Variants in DPP6 observed in about 807,000 individuals in gnomAD.
DPP6 encodes dipeptidyl peptidase like 6.
DPP6 carries 69 observed loss-of-function variants against 122.6 expected under a neutral mutation model. The ratio of observed to expected loss-of-function variants is 0.56; its 90% CI spans 0.46 to 0.69. DPP6 has a LOEUF of 0.69. DPP6 is among the 30% of genes least tolerant of loss of function. The pLI is 0.00. For missense variants in DPP6, 928 were observed against 1,116.9 expected, an observed-to-expected ratio of 0.83 and a Z score of 2.41; for synonymous variants, 418 against 433.1, an observed-to-expected ratio of 0.97 and a Z score of 0.43.
chr7:154,814,727 G>C (rs1020838783), intron 16 of DPP6, among the ~76,000 whole-genome samples: 2 of 152,198 alleles, frequency 1.3e-5, no homozygotes. Flanking sequence ...TCTCTTGGAG[G>C]CTGTGAGGGA....
the DPP6 span, among the ~76,000 whole-genome samples, chr7:153,788,362 T>C: frequency 1.3e-5 from 2 of 152,186 alleles, no homozygotes; most frequent in Admixed American, 6.5e-5. Context: ...CTGTAGACTT[T>C]CTGAACAGTT....
At chr7:154,887,997 G>A (rs1340132624) in intron 23 of DPP6, among the ~76,000 whole-genome samples, 6 of 152,086 alleles carry the variant, frequency 3.9e-5, no homozygotes, top group East Asian at 1.9e-4. Flanking sequence ...ATTTGATGGC[G>A]GAGTCAGTCC....
At chr7:153,789,626 G>A in the DPP6 span, among the ~76,000 whole-genome samples, 1 of 152,144 alleles carries the variant, frequency 6.6e-6, no homozygotes, top group African/African-American at 2.4e-5. Flanking sequence ...TAAGTGAGAA[G>A]CTTTTGTATT....
chr7:154,549,460 G>A (rs1829465839), intron 4 of DPP6, among the ~76,000 whole-genome samples: 1 of 152,162 alleles, frequency 6.6e-6, no homozygotes, highest in African/African-American at 2.4e-5. Context: ...ACAGTAATCA[G>A]TACGTCAACA....
At chr7:153,757,460 G>A in the DPP6 span, among the ~76,000 whole-genome samples, 1 of 152,202 alleles carries the variant, frequency 6.6e-6, no homozygotes, top group Non-Finnish European at 1.5e-5. Flanking sequence ...CTCATCCAGT[G>A]GCGGATGGTT....
At chr7:154,665,098 C>T (rs1435177779) in intron 6 of DPP6, among the ~76,000 whole-genome samples, 1 of 152,186 alleles carries the variant, frequency 6.6e-6, no homozygotes, top group Non-Finnish European at 1.5e-5. Flanking sequence ...TGACCTTGCA[C>T]TTTTGAGGAG....
the DPP6 span, among the ~76,000 whole-genome samples, chr7:153,753,834 C>A: frequency 1.7e-3 from 257 of 152,202 alleles, no homozygotes; most frequent in African/African-American, 6.0e-3. Flanking sequence ...CTCCTGTTTA[C>A]CCATTTGCGC....
chr7:154,637,802 T>C lies in DPP6; in HGVS notation c.628-19T>C. The C allele has an allele frequency of 6.4e-7, 1 of 1,561,758 alleles. No individual in the cohort carries two copies. Among genetic ancestry groups the C allele is most frequent in the South Asian group, 1.2e-5 (1 of 81,978 alleles). ...CCTTTGTCTCAATGCCTACCTTTTT[T>C]CCTTTTTGTCTGTTGCAGATATATC... On this transcript the variant is annotated intron_variant, in intron 5 of 25. Transcript: ENST00000377770.
intron 1 of DPP6, among the ~76,000 whole-genome samples, chr7:154,209,551 A>T (rs997493220): frequency 9.0e-5 from 9 of 99,462 alleles, no homozygotes; most frequent in Non-Finnish European, 2.4e-4. Context: ...GTTAAAAAAA[A>T]AAAACAAAAA....
At chr7:153,957,273 G>A (rs567083836) in intron 1 of DPP6, among the ~76,000 whole-genome samples, 2 of 152,290 alleles carry the variant, frequency 1.3e-5, no homozygotes, top group Non-Finnish European at 2.9e-5. Flanking sequence ...GTCCAAGGAC[G>A]CCACCTGCTC....
the DPP6 span, among the ~76,000 whole-genome samples, chr7:153,875,913 AAT>A: frequency 7.4e-6 from 1 of 134,732 alleles, no homozygotes; most frequent in Non-Finnish European, 1.6e-5. Flanking sequence ...AGCTGCCTAA[AAT>A]ATGAGGACCA....
At chr7:153,967,213 T>G (rs962671761) in intron 1 of DPP6, among the ~76,000 whole-genome samples, 3 of 152,158 alleles carry the variant, frequency 2.0e-5, no homozygotes, top group Non-Finnish European at 4.4e-5. Context: ...CATCCTGTGC[T>G]GGGGATGCTG....
chr7:154,850,588 G>C (rs1802292547), intron 16 of DPP6, among the ~76,000 whole-genome samples: 1 of 152,104 alleles, frequency 6.6e-6, no homozygotes, highest in African/African-American at 2.4e-5. Context: ...CAGGTCCTGG[G>C]CTTTTCTTTG....
At position 154,868,190 on chromosome 7, in the gene DPP6, A is replaced by G. The variant is rs55716573; in HGVS notation, c.1813+97A>G. On this transcript the variant is annotated intron_variant, in intron 18 of 25. Coordinates refer to ENST00000377770, the MANE Select transcript of DPP6 (RefSeq NM_130797.4). ...CAGCAGCAGGTGCCCTGCAAGGAAG[A>G]CTCCCCAAGCACGGGGGTGTATCTT... The G allele has an allele frequency of 0.035, 50,894 of 1,460,042 alleles. 3,375 individuals carry two copies. The highest frequency in any genetic ancestry group is 0.28 in the African/African-American group (19,777 of 70,520). The allele number at this position is 1,460,042 out of a possible 1,614,324, so 90.4% of individuals were successfully genotyped here. A position where few individuals can be genotyped will look rare whatever the true frequency, so the allele number is the denominator to read the frequency against.
intron 1 of DPP6, among the ~76,000 whole-genome samples, chr7:154,321,558 C>T (rs894513351): frequency 1.9e-4 from 29 of 151,714 alleles, no homozygotes; most frequent in African/African-American, 5.6e-4. Flanking sequence ...CTGAGGCGGG[C>T]GGATCACAAG....
chr7:154,828,198 C>G (rs1352975095), intron 16 of DPP6, among the ~76,000 whole-genome samples: 4 of 152,134 alleles, frequency 2.6e-5, no homozygotes. Context: ...GATACACAGC[C>G]CCAAGAGCAT....
intron 1 of DPP6, among the ~76,000 whole-genome samples, chr7:154,204,224 C>A (rs575302881): frequency 6.6e-6 from 1 of 152,292 alleles, no homozygotes; most frequent in South Asian, 2.1e-4. Flanking sequence ...CAGTCCCATC[C>A]GTGGACAAAA....
At chr7:153,915,577 C>A (rs752791946) in intron 1 of DPP6, among the ~76,000 whole-genome samples, 2 of 152,142 alleles carry the variant, frequency 1.3e-5, no homozygotes, top group African/African-American at 4.8e-5. Flanking sequence ...ATTAAAGAGA[C>A]GAGATAGCTC....
At chr7:154,609,858 G>C (rs1833798194) in intron 5 of DPP6, among the ~76,000 whole-genome samples, 1 of 152,138 alleles carries the variant, frequency 6.6e-6, no homozygotes, top group African/African-American at 2.4e-5. Flanking sequence ...GCCTTTTCTG[G>C]AATAAATCTT....
Sources: allele counts gnomAD v4.1 joint callset (sites outside exome capture counted in the v4.1 genomes callset), GRCh38; gene constraint gnomAD v4.1.1; transcripts MANE v1.5; gene names NCBI Gene and HGNC (gene_info 2026-07-23, HGNC 2026-07-21).